Variants in SLC44A5 observed in about 807,000 individuals in gnomAD.
The protein encoded by SLC44A5 is solute carrier family 44 member 5, also known as choline transporter-like protein 5.
In SLC44A5, 57 loss-of-function variants were observed where a neutral mutation model predicts 101.8. The observed-to-expected ratio is 0.56, with a 90% confidence interval of 0.45 to 0.70. The LOEUF is 0.70. SLC44A5 is among the 30% of genes least tolerant of loss of function. The pLI is 0.00. For synonymous variants in SLC44A5, 281 were observed against 290.9 expected (o/e 0.97, Z 0.35); for missense variants, 737 against 853.1 (o/e 0.86, Z 1.70).
intron 2 of SLC44A5, among the ~76,000 whole-genome samples, chr1:75,446,746 CTCTT>C (rs1006592557): frequency 1.3e-5 from 2 of 152,098 alleles, no homozygotes; most frequent in African/African-American, 2.4e-5. Context: ...ACTAAATTCT[CTCTT>C]TCTATTTGGT....
At chr1:75,487,595 C>G (rs1392008401) in intron 2 of SLC44A5, among the ~76,000 whole-genome samples, 1 of 152,102 alleles carries the variant, frequency 6.6e-6, no homozygotes, top group African/African-American at 2.4e-5. Context: ...TTCTATGAAC[C>G]CTCTGAGGGC....
At chr1:75,565,356 A>G (rs1183225112) in intron 1 of SLC44A5, among the ~76,000 whole-genome samples, 1 of 152,264 alleles carries the variant, frequency 6.6e-6, no homozygotes, top group African/African-American at 2.4e-5. Context: ...TAGAGAGAAC[A>G]ATCAAGCTCT....
At chr1:75,479,531 A>G (rs1356505835) in intron 2 of SLC44A5, among the ~76,000 whole-genome samples, 2 of 152,240 alleles carry the variant, frequency 1.3e-5, no homozygotes, top group Non-Finnish European at 2.9e-5. Context: ...AAAAGAGAGA[A>G]GAATCAAATA....
intron 3 of SLC44A5, among the ~76,000 whole-genome samples, chr1:75,341,662 G>T (rs1657892657): frequency 6.6e-6 from 1 of 152,096 alleles, no homozygotes. Context: ...CACAGGGCGG[G>T]TCACGAATGA....
intron 5 of SLC44A5, among the ~76,000 whole-genome samples, chr1:75,297,798 A>G (rs1219211047): frequency 6.6e-6 from 1 of 152,182 alleles, no homozygotes; most frequent in African/African-American, 2.4e-5. Context: ...GATTACTTCT[A>G]CCCAGACGCC....
At chr1:75,466,646 A>G (rs1666834879) in intron 2 of SLC44A5, among the ~76,000 whole-genome samples, 1 of 140,374 alleles carries the variant, frequency 7.1e-6, no homozygotes, top group Non-Finnish European at 1.5e-5. Flanking sequence ...ACAGTTCAAG[A>G]TGCCATCTTA....
chr1:75,345,846 T>C (rs977404570), intron 3 of SLC44A5, among the ~76,000 whole-genome samples: 4 of 152,130 alleles, frequency 2.6e-5, no homozygotes, highest in African/African-American at 9.7e-5. Context: ...TGTTTATATA[T>C]TTGATGCAGA....
intron 2 of SLC44A5, among the ~76,000 whole-genome samples, chr1:75,489,820 C>T (rs1318920313): frequency 6.6e-6 from 1 of 152,118 alleles, no homozygotes; most frequent in Non-Finnish European, 1.5e-5. Flanking sequence ...AGTAGATGTA[C>T]TCACTTTTAA....
the SLC44A5 span, among the ~76,000 whole-genome samples, chr1:75,708,972 C>T: frequency 6.6e-6 from 1 of 152,086 alleles, no homozygotes; most frequent in African/African-American, 2.4e-5. Flanking sequence ...TCTTTCCTGT[C>T]CCACTCTCCT....
At chr1:75,407,132 C>T (rs540819355) in intron 2 of SLC44A5, among the ~76,000 whole-genome samples, 1 of 151,958 alleles carries the variant, frequency 6.6e-6, no homozygotes, top group Non-Finnish European at 1.5e-5. Context: ...GAATAAAATA[C>T]CTAGGAATCC....
At chr1:75,291,526 C>A (rs1368071800) in intron 5 of SLC44A5, among the ~76,000 whole-genome samples, 1 of 152,048 alleles carries the variant, frequency 6.6e-6, no homozygotes. Flanking sequence ...ACATGATTCA[C>A]AGAGGCAGAT....
chr1:75,242,493 T>C (rs1483485300), intron 8 of SLC44A5, among the ~76,000 whole-genome samples: 1 of 152,074 alleles, frequency 6.6e-6, no homozygotes, highest in Non-Finnish European at 1.5e-5. Context: ...AAATGAGTTG[T>C]TATCAAACTG....
chr1:75,509,272 A>T (rs1459455308), intron 2 of SLC44A5, among the ~76,000 whole-genome samples: 1 of 152,236 alleles, frequency 6.6e-6, no homozygotes, highest in Non-Finnish European at 1.5e-5. Context: ...GGGATGAGAA[A>T]AGAGTAAGAG....
the SLC44A5 span, among the ~76,000 whole-genome samples, chr1:75,642,397 G>C: frequency 1.3e-5 from 2 of 152,062 alleles, no homozygotes; most frequent in African/African-American, 4.8e-5. Flanking sequence ...GTCATCACGT[G>C]AGCAGCTGTG....
intron 2 of SLC44A5, among the ~76,000 whole-genome samples, chr1:75,397,204 T>C (rs1399576663): frequency 2.0e-5 from 3 of 152,144 alleles, no homozygotes; most frequent in Non-Finnish European, 4.4e-5. Flanking sequence ...AGGTACAAAT[T>C]ATGGTAATTT....
chr1:75,723,194 T>TC, the SLC44A5 span, among the ~76,000 whole-genome samples: 3 of 152,350 alleles, frequency 2.0e-5, no homozygotes, highest in South Asian at 6.2e-4. Context: ...TGACCCTGTC[T>TC]CCTTTATGCG....
chr1:75,658,532 G>T, the SLC44A5 span, among the ~76,000 whole-genome samples: 1 of 151,956 alleles, frequency 6.6e-6, no homozygotes, highest in East Asian at 1.9e-4. Flanking sequence ...ACAACAAATG[G>T]GTCAATGAAG....
intron 6 of SLC44A5, among the ~76,000 whole-genome samples, chr1:75,262,219 T>G (rs139344715): frequency 0.012 from 1,780 of 152,306 alleles, 36 homozygotes; most frequent in African/African-American, 0.041. Context: ...GATGACATGA[T>G]TGTATATTTA....
intron 2 of SLC44A5, among the ~76,000 whole-genome samples, chr1:75,465,665 CAAAT>C (rs1215430466): frequency 3.3e-5 from 5 of 151,542 alleles, no homozygotes; most frequent in Admixed American, 6.6e-5. Flanking sequence ...AGAGAAGACC[CAAAT>C]AAATAAAATC....
Sources: allele counts gnomAD v4.1 joint callset (sites outside exome capture counted in the v4.1 genomes callset), GRCh38; gene constraint gnomAD v4.1.1; transcripts MANE v1.5; gene names NCBI Gene and HGNC (gene_info 2026-07-23, HGNC 2026-07-21).